The following NSMCE2 variants were observed in gnomAD, a reference collection of about 807,000 sequenced individuals.
NSMCE2 encodes E3 SUMO-protein ligase NSE2.
A neutral mutation model predicts 23.8 loss-of-function variants in NSMCE2; 24 were observed. That is an observed-to-expected ratio of 1.01 (90% CI 0.73 to 1.42). The LOEUF is 1.42. Ranked by LOEUF, NSMCE2 falls within the 40% of genes most tolerant of loss-of-function variation. The pLI is 0.00. For synonymous variants in NSMCE2, 92 were observed against 94.1 expected (o/e 0.98, Z 0.13); for missense variants, 284 against 296.5 (o/e 0.96, Z 0.31).
chr8:125,281,977 G>A (rs1355355595), intron 5 of NSMCE2, among the ~76,000 whole-genome samples: 1 of 152,096 alleles, frequency 6.6e-6, no homozygotes, highest in East Asian at 1.9e-4. Context: ...ACTCCTGCAG[G>A]GGCCAGGGAG....
At chr8:125,140,460 T>C (rs1170245736) in intron 3 of NSMCE2, among the ~76,000 whole-genome samples, 3 of 152,190 alleles carry the variant, frequency 2.0e-5, no homozygotes, top group Admixed American at 6.5e-5. Flanking sequence ...GTCAGGAGTT[T>C]GAGACCAGCC....
At chr8:125,269,863 T>C (rs552157447) in intron 5 of NSMCE2, among the ~76,000 whole-genome samples, 2 of 152,344 alleles carry the variant, frequency 1.3e-5, no homozygotes, top group African/African-American at 4.8e-5. Flanking sequence ...CAAAGTAAGC[T>C]AAACATAACT....
chr8:125,338,284 G>GAA (rs11411074), intron 5 of NSMCE2, among the ~76,000 whole-genome samples: 5,239 of 144,432 alleles, frequency 0.036, 274 homozygotes, highest in African/African-American at 0.12. Context: ...ATGTTGGGTG[G>GAA]AAAAAAAAAA....
chr8:125,265,154 ATTT>A (rs1413373862), intron 5 of NSMCE2, among the ~76,000 whole-genome samples: 1 of 78,492 alleles, frequency 1.3e-5, no homozygotes, highest in Non-Finnish European at 3.6e-5. Context: ...TCCTGGCTTT[ATTT>A]AATTTTTTTT....
chr8:125,123,542 G>C (rs1819366956), intron 3 of NSMCE2, among the ~76,000 whole-genome samples: 1 of 152,252 alleles, frequency 6.6e-6, no homozygotes. Flanking sequence ...AGTTTGAGAT[G>C]CTACTCACAT....
intron 3 of NSMCE2, among the ~76,000 whole-genome samples, chr8:125,140,499 C>T (rs1319351785): frequency 1.3e-5 from 2 of 152,088 alleles, no homozygotes; most frequent in African/African-American, 4.8e-5. Flanking sequence ...CCCATCTCTA[C>T]TGAAAATACA....
In NSMCE2 at chr8:125,303,194, T is replaced by A. The variant is rs190900855; in HGVS notation, c.419-54025T>A. ...CTTTCAGAGTAGCTGCCTCCCTCTG[T>A]GAACCTGCAGTTCAGCTTTGACTCA... On this transcript the variant is annotated intron_variant, in intron 5 of 7. Transcript: ENST00000287437. Among the ~76,000 whole-genome samples, 36 of 152,324 alleles carry A rather than the reference T, an allele frequency of 2.4e-4. No homozygotes were observed. In the East Asian group the frequency reaches 6.6e-3, roughly 28 times the overall value.
At chr8:125,200,207 C>A (rs886088798) in intron 5 of NSMCE2, among the ~76,000 whole-genome samples, 1 of 152,152 alleles carries the variant, frequency 6.6e-6, no homozygotes, top group Non-Finnish European at 1.5e-5. Context: ...TGGATTTGAT[C>A]CTGTCATTAT....
At chr8:125,151,552 G>T (rs151159584) in intron 4 of NSMCE2, among the ~76,000 whole-genome samples, 78 of 152,214 alleles carry the variant, frequency 5.1e-4, no homozygotes, top group African/African-American at 1.8e-3. Flanking sequence ...TGAATGTGAG[G>T]AGATTTTTAT....
At chr8:125,274,265 T>C (rs926734690) in intron 5 of NSMCE2, among the ~76,000 whole-genome samples, 1 of 152,206 alleles carries the variant, frequency 6.6e-6, no homozygotes, top group South Asian at 2.1e-4. Flanking sequence ...AAAAAAACTT[T>C]TTAACTTATT....
intron 5 of NSMCE2, among the ~76,000 whole-genome samples, chr8:125,210,538 G>C (rs916643706): frequency 2.6e-5 from 4 of 152,086 alleles, no homozygotes. Flanking sequence ...AAGAACTGTA[G>C]AAAGGGAAGT....
chr8:125,127,625 G>A (rs559469775), intron 3 of NSMCE2, among the ~76,000 whole-genome samples: 20 of 152,060 alleles, frequency 1.3e-4, no homozygotes, highest in African/African-American at 4.1e-4. Flanking sequence ...TTCTTGGGTC[G>A]TTCTGGAGTT....
intron 5 of NSMCE2, among the ~76,000 whole-genome samples, chr8:125,296,093 A>T (rs951680723): frequency 1.3e-5 from 2 of 152,066 alleles, no homozygotes; most frequent in African/African-American, 4.8e-5. Flanking sequence ...TTAAACATTT[A>T]CTACACGCTA....
At chr8:125,184,976 A>G (rs879375632) in intron 5 of NSMCE2, among the ~76,000 whole-genome samples, 9 of 152,220 alleles carry the variant, frequency 5.9e-5, no homozygotes, top group Non-Finnish European at 1.2e-4. Context: ...GACAGAGTAA[A>G]GGCTGAAGTG....
At chr8:125,355,722 A>AAAC (rs1208991192) in intron 5 of NSMCE2, among the ~76,000 whole-genome samples, 27 of 149,954 alleles carry the variant, frequency 1.8e-4, no homozygotes, top group African/African-American at 6.7e-4. Flanking sequence ...AAAAAAAAAA[A>AAAC]GCTATTGATC....
intron 3 of NSMCE2, among the ~76,000 whole-genome samples, chr8:125,138,366 C>T (rs1446314092): frequency 6.6e-6 from 1 of 152,058 alleles, no homozygotes; most frequent in African/African-American, 2.4e-5. Flanking sequence ...TGGGACTTTA[C>T]AGGTGCATGC....
intron 5 of NSMCE2, among the ~76,000 whole-genome samples, chr8:125,223,454 G>A (rs753729205): frequency 8.5e-5 from 13 of 152,208 alleles, no homozygotes; most frequent in Non-Finnish European, 1.5e-4. Context: ...TGGGAGTGCA[G>A]AAATCTCTTT....
chr8:125,321,282 C>G (rs181634664), intron 5 of NSMCE2, among the ~76,000 whole-genome samples: 25 of 152,226 alleles, frequency 1.6e-4, no homozygotes, highest in African/African-American at 5.3e-4. Flanking sequence ...AATATTCTAA[C>G]CTCTGTAATC....
intron 5 of NSMCE2, among the ~76,000 whole-genome samples, chr8:125,336,094 T>A (rs2131311901): frequency 1.3e-5 from 2 of 151,958 alleles, no homozygotes; most frequent in East Asian, 3.9e-4. Context: ...AGGACCCCAC[T>A]CCTGGTAGAA....
Sources: gnomAD v4.1 joint callset for allele counts (sites outside exome capture counted in the v4.1 genomes callset) on GRCh38, gnomAD v4.1.1 for gene constraint, MANE v1.5 for transcripts, NCBI Gene and HGNC (gene_info 2026-07-23, HGNC 2026-07-21) for gene names.